Variants in MTR observed in about 807,000 individuals in gnomAD.
MTR encodes the protein 5-methyltetrahydrofolate-homocysteine methyltransferase, also known as methionine synthase.
Under a neutral mutation model 154.8 loss-of-function variants are expected in MTR, and 84 were observed. The observed-to-expected ratio is 0.54, with a 90% CI of 0.45 to 0.65. The LOEUF is 0.65. Among genes scored for constraint, MTR ranks in the 30% least tolerant of loss-of-function variants. The probability of loss-of-function intolerance (pLI) is 0.00; values close to 1 mark genes in which losing one functional copy is unlikely to be tolerated. For missense variants in MTR, 1,275 were observed against 1,570.2 expected, an observed-to-expected ratio of 0.81 and a Z score of 3.18; for synonymous variants, 554 against 553.9, an observed-to-expected ratio of 1.00 and a Z score of 0.00.
intron 24 of MTR, among the ~76,000 whole-genome samples, chr1:236,878,480 C>A (rs1464643433): frequency 6.6e-6 from 1 of 152,136 alleles, no homozygotes; most frequent in Non-Finnish European, 1.5e-5. Context: ...AACTGTACCC[C>A]CAAGATACTC....
intron 5 of MTR, chr1:236,811,653 G>A (rs1661310300): frequency 2.2e-6 from 1 of 456,284 alleles, no homozygotes; most frequent in South Asian, 1.5e-5. Flanking sequence ...AGACCTGCCA[G>A]TGGGGAGCTA....
intron 15 of MTR, among the ~76,000 whole-genome samples, chr1:236,839,912 G>A (rs1294917506): frequency 6.6e-6 from 1 of 152,136 alleles, no homozygotes; most frequent in Non-Finnish European, 1.5e-5. Context: ...TGAAAAAAAT[G>A]AGTGACATGA....
rs146071220 is a variant in MTR at position 236,894,489 on chromosome 1, G to A, written c.3337G>A (p.Ala1113Thr). The change falls in exon 30 of 33, where the codon GCC (alanine) becomes ACC (threonine). Residue 1113 changes from alanine to threonine, a missense_variant. Coordinates refer to ENST00000366577, the MANE Select transcript of MTR (RefSeq NM_000254.3). ...CTTTGGGGTAGAAGAGCTGAGCAAG[G>A]CCTATGAGGATGATGGTGACGACTA... ...ACFGVEELSK[A>T]YEDDGDDYSS... 573 of 1,614,148 alleles carry A rather than the reference G, an allele frequency of 3.5e-4. 4 individuals are homozygous for A. In the African/African-American group the frequency reaches 6.8e-3, roughly 19 times the overall value.
At chr1:236,849,898 G>T (rs1454266308) in intron 15 of MTR, among the ~76,000 whole-genome samples, 1 of 152,210 alleles carries the variant, frequency 6.6e-6, no homozygotes, top group Non-Finnish European at 1.5e-5. Context: ...TGTTTCCTGG[G>T]TGATAGGTTG....
At chr1:236,803,404 G>T (rs779199108) in intron 1 of MTR, 24 bp from the exon 2 acceptor site, 1 of 1,610,314 alleles carries the variant, frequency 6.2e-7, no homozygotes, top group Non-Finnish European at 8.5e-7. Flanking sequence ...ATTCTTTGAA[G>T]TCAAACTTTC....
At chr1:236,862,440 C>G (rs1403809694) in intron 21 of MTR, 97 bp downstream of exon 21, 1 of 929,828 alleles carries the variant, frequency 1.1e-6, no homozygotes, top group East Asian at 2.4e-5. Flanking sequence ...TGGCTGTGTT[C>G]GTTATTGAGG....
chr1:236,850,479 A>G lies in MTR; in HGVS notation c.1651A>G (p.Asn551Asp), dbSNP rs151031178. The G allele has an allele frequency of 5.6e-6, 9 of 1,613,728 alleles. No individual in the cohort carries two copies. The highest frequency in any genetic ancestry group is 7.6e-6 in the Non-Finnish European group (9 of 1,179,912). Residue 551 changes from asparagine (N) to aspartate (D), a missense_variant, in exon 16 of 33, where the codon AAC (asparagine) becomes GAC (aspartate). Asn to Asp is a conservative substitution (Grantham distance 23, BLOSUM62 1). Transcript: ENST00000366577. Reference sequence around the variant, plus strand: ...CATTGGGACTGGAATGGAGGAACACAACTTGTATGCCATTAATTTTATCCA... The same window carrying G: ...CATTGGGACTGGAATGGAGGAACACGACTTGTATGCCATTAATTTTATCCA... ...LTIGTGMEEHNLYAINFIHAT... is the reference protein window; with the variant it reads ...LTIGTGMEEHDLYAINFIHAT...
intron 8 of MTR, chr1:236,820,304 A>C: frequency 1.3e-6 from 1 of 753,320 alleles, no homozygotes; most frequent in African/African-American, 1.7e-5. Flanking sequence ...ACTGTGACCA[A>C]GGAGGAGTTT....
chr1:236,835,358 T>C (rs974509530), intron 13 of MTR, among the ~76,000 whole-genome samples, 189 bp from the exon 14 acceptor site: 3 of 151,930 alleles, frequency 2.0e-5, no homozygotes, highest in Non-Finnish European at 4.4e-5. Context: ...GATGATGTGA[T>C]GGAAGAGATG....
rs1287788070 is a variant in MTR, at chr1:236,899,423, G to T, written c.*1779G>T. On this transcript the variant is annotated 3_prime_UTR_variant, in exon 33 of 33. Transcript: ENST00000366577. Reference sequence around the variant, plus strand: ...GTGACATGGCAAGTCAGTGGGGACAGGAAGGACCACTCCCTAAGTAATCCC... The same window carrying T: ...GTGACATGGCAAGTCAGTGGGGACATGAAGGACCACTCCCTAAGTAATCCC... 1.3e-5 allele frequency: 2 copies of T among 152,202 alleles called. No individual in the cohort carries two copies. The highest frequency in any genetic ancestry group is 2.9e-5 in the Non-Finnish European group (2 of 68,036). The allele number at this position is 152,202 out of a possible 1,614,324, so 9.4% of individuals were successfully genotyped here.
At chr1:236,882,841 A>G (rs2147910527) in intron 25 of MTR, among the ~76,000 whole-genome samples, 1 of 152,366 alleles carries the variant, frequency 6.6e-6, no homozygotes, top group African/African-American at 2.4e-5. Flanking sequence ...AAACGACCAC[A>G]TTTTGAAATT....
intron 12 of MTR, among the ~76,000 whole-genome samples, chr1:236,830,806 CCAGTACCGTG>C (rs1343465972): frequency 6.6e-6 from 1 of 152,148 alleles, no homozygotes; most frequent in African/African-American, 2.4e-5. Context: ...AAATCATAAG[CCAGTACCGTG>C]CATGGAAAGC....
At chr1:236,868,134 C>T (rs928655213) in intron 22 of MTR, among the ~76,000 whole-genome samples, 11 of 152,106 alleles carry the variant, frequency 7.2e-5, no homozygotes, top group South Asian at 4.1e-4. Context: ...ACTTCACTGT[C>T]GTCTTATTTT....
intron 1 of MTR, among the ~76,000 whole-genome samples, chr1:236,797,725 G>T (rs1054099611): frequency 2.6e-5 from 4 of 152,078 alleles, no homozygotes; most frequent in African/African-American, 9.7e-5. Flanking sequence ...TTGGGAGGCC[G>T]AGGCGTGCGG....
Position 236,795,367 on chromosome 1 carries a change from G to C in MTR, c.-337G>C, listed in dbSNP as rs542190421. Reference sequence around the variant, plus strand: ...GGATGTCACGTCGTCCTCCTCTGCCGGTTTTCTCTTGGGTCCTTTTCCGTG... The same window carrying C: ...GGATGTCACGTCGTCCTCCTCTGCCCGTTTTCTCTTGGGTCCTTTTCCGTG... On this transcript the variant is annotated 5_prime_UTR_variant, in exon 1 of 33. Coordinates refer to ENST00000366577, the MANE Select transcript of MTR (RefSeq NM_000254.3). The C allele has an allele frequency of 7.3e-7, 1 of 1,369,430 alleles. No homozygotes were observed. Among genetic ancestry groups the C allele is most frequent in the Non-Finnish European group, 9.6e-7 (1 of 1,040,648 alleles). The allele number at this position is 1,369,430 out of a possible 1,614,324, so 84.8% of individuals were successfully genotyped here. A position where few individuals can be genotyped will look rare whatever the true frequency, so the allele number is the denominator to read the frequency against.
chr1:236,795,845 G>GT, intron 1 of MTR, 108 bp downstream of exon 1: 4 of 1,548,074 alleles, frequency 2.6e-6, no homozygotes, highest in Non-Finnish European at 3.5e-6. Context: ...GCCCGGCGGT[G>GT]TTTCCCCGCG....
In MTR at chr1:236,863,413, A is replaced by C. The variant is rs767694454; in HGVS notation, c.2305-41A>C. 25 of 1,562,878 alleles carry C rather than the reference A, an allele frequency of 1.6e-5. No individual in the cohort carries two copies. In the East Asian group the frequency reaches 4.9e-4, roughly 31 times the overall value. On this transcript the variant is annotated intron_variant, in intron 21 of 32. Transcript: ENST00000366577. ...TCTGGAGAACTAGGTGTTCCACCCTAAACAACCCTGCCTTGCTGAGCTGCT... is the reference window on the plus strand; with the variant it reads ...TCTGGAGAACTAGGTGTTCCACCCTCAACAACCCTGCCTTGCTGAGCTGCT...
At chr1:236,866,348 C>T (rs1664823083) in intron 22 of MTR, among the ~76,000 whole-genome samples, 1 of 152,026 alleles carries the variant, frequency 6.6e-6, no homozygotes, top group Non-Finnish European at 1.5e-5. Flanking sequence ...GTACCATGAA[C>T]CACACCCATA....
chr1:236,831,856 TG>T, intron 12 of MTR, 109 bp from the exon 13 acceptor site: 1 of 785,708 alleles, frequency 1.3e-6, no homozygotes, highest in Admixed American at 2.0e-5. Context: ...TCTGCTCAGA[TG>T]GGCTATGGTG....
Sources: gnomAD v4.1 joint callset for allele counts (sites outside exome capture counted in the v4.1 genomes callset) on GRCh38, gnomAD v4.1.1 for gene constraint, MANE v1.5 for transcripts, NCBI Gene and HGNC (gene_info 2026-07-23, HGNC 2026-07-21) for gene names.